Variants in CD163 observed in about 807,000 individuals in gnomAD.
CD163 encodes scavenger receptor cysteine-rich type 1 protein M130.
A neutral mutation model predicts 129.2 loss-of-function variants in CD163; 64 were observed. That is an observed-to-expected ratio of 0.50 (90% CI 0.41 to 0.61). The LOEUF (loss-of-function observed/expected upper bound fraction) is 0.61. Among genes scored for constraint, CD163 ranks in the 20% least tolerant of loss-of-function variants. The pLI, the probability that CD163 is intolerant of heterozygous loss-of-function variation, is 0.00. For synonymous variants in CD163, 446 were observed against 478.5 expected (o/e 0.93, Z 0.89); for missense variants, 1,061 against 1,377.9 (o/e 0.77, Z 3.64).
chr12:7,499,802 G>T (rs772250452), intron 3 of CD163, among the ~76,000 whole-genome samples: 1 of 152,282 alleles, frequency 6.6e-6, no homozygotes, highest in South Asian at 2.1e-4. Context: ...GGAAGAGGAA[G>T]AGGAAGCGGA....
intron 6 of CD163, among the ~76,000 whole-genome samples, chr12:7,492,601 T>C (rs1012759863): frequency 1.3e-5 from 2 of 152,094 alleles, no homozygotes; most frequent in Non-Finnish European, 2.9e-5. Flanking sequence ...AAAATCAGAA[T>C]ATTTGCATGA....
intron 5 of CD163, 120 bp from the exon 6 acceptor site, chr12:7,495,521 CCTGA>C: frequency 1.2e-6 from 1 of 838,656 alleles, no homozygotes; most frequent in Non-Finnish European, 1.8e-6. Context: ...TAACTTATTT[CCTGA>C]CTTTTTAAGA....
chr12:7,495,111 G>A lies in CD163; in HGVS notation c.1390C>T (p.His464Tyr). The A allele has an allele frequency of 6.2e-7, 1 of 1,614,050 alleles. No homozygotes were observed. The highest frequency in any genetic ancestry group is 1.6e-4 in the Middle Eastern group (1 of 6,062). The change falls in exon 6 of 17, where the codon CAC becomes TAC. Residue 464 changes from histidine (H) to tyrosine (Y), a missense_variant. His to Tyr is a moderately conservative substitution (Grantham distance 83). Coordinates refer to ENST00000432237, the MANE Select transcript of CD163 (RefSeq NM_203416.4). ...NWQWGGLTCD[H>Y]YEEAKITCSA... The stretch of plus-strand genomic sequence containing the variant: ...CAGGTAATTTTGGCTTCTTCATAGT[G>A]ATCACAGGTAAGTCCACCCCATTGC...
intron 4 of CD163, among the ~76,000 whole-genome samples, chr12:7,498,124 T>TACACACAC (rs571405606): frequency 1.0e-4 from 15 of 148,842 alleles, no homozygotes; most frequent in African/African-American, 2.2e-4. Flanking sequence ...TTCCTTTATT[T>TACACACAC]ACACACACAC....
chr12:7,501,901 T>C (rs1373328504), intron 2 of CD163, among the ~76,000 whole-genome samples: 1 of 152,236 alleles, frequency 6.6e-6, no homozygotes, highest in Non-Finnish European at 1.5e-5. Flanking sequence ...TTAACTCTTA[T>C]TTCATACGTA....
intron 16 of CD163, 105 bp from the exon 17 acceptor site, chr12:7,471,502 CT>C (rs1949002752): frequency 6.6e-6 from 1 of 151,608 alleles, no homozygotes. Context: ...AATTATACTA[CT>C]TTCCTGAGCA....
chr12:7,501,375 G>T lies in CD163; in HGVS notation c.221C>A (p.Thr74Lys). The T allele has an allele frequency of 6.2e-7, 1 of 1,613,898 alleles. No individual in the cohort carries two copies. The highest frequency in any genetic ancestry group is 8.5e-7 in the Non-Finnish European group (1 of 1,179,922). Residue 74 changes from threonine to lysine, a missense_variant, in exon 3 of 17, where the codon ACG becomes AAG. Transcript: ENST00000432237. ...VEVKVQEEWGTVCNNGWSMEA... is the reference protein window; with the variant it reads ...VEVKVQEEWGKVCNNGWSMEA... ...CATGCTCCAGCCATTATTACACACC[G>T]TTCCCCACTCCTCCTGGACTTTCAC... is the stretch of plus-strand genomic sequence containing the variant.
At chr12:7,498,124 T>TACAC (rs571405606) in intron 4 of CD163, among the ~76,000 whole-genome samples, 1,513 of 148,838 alleles carry the variant, frequency 0.01, 15 homozygotes, top group African/African-American at 0.022. Flanking sequence ...TTCCTTTATT[T>TACAC]ACACACACAC....
chr12:7,493,305 G>A (rs1949349981), intron 6 of CD163, among the ~76,000 whole-genome samples: 1 of 152,170 alleles, frequency 6.6e-6, no homozygotes, highest in Admixed American at 6.5e-5. Context: ...GGCCCATGAA[G>A]GACAGCGGAC....
In CD163 at chr12:7,485,466, G is replaced by A; in HGVS notation, c.2459-50C>T. 1 of 1,454,434 alleles carries A rather than the reference G, an allele frequency of 6.9e-7. No homozygotes were observed. The highest frequency in any genetic ancestry group is 9.5e-7 in the Non-Finnish European group (1 of 1,048,544). 90.1% of individuals were successfully genotyped at this position (1,454,434 alleles called of 1,614,324 possible). ...GTTTTGCATCTTTTCTGAAGATTCA[G>A]AGACTCCTTCCCTTTACCTTGATGT... is the stretch of plus-strand genomic sequence containing the variant. On this transcript the variant is annotated intron_variant, in intron 10 of 16. Coordinates refer to ENST00000432237, the MANE Select transcript of CD163 (RefSeq NM_203416.4). This position sits in a 1 kb window ranked among gnomAD's most constrained non-coding sequence, Gnocchi z 4.5.
In CD163 at chr12:7,495,225, C is replaced by T. The variant is rs756515820; in HGVS notation, c.1276G>A (p.Val426Met). 4.3e-6 allele frequency: 7 copies of T among 1,614,116 alleles called. No homozygotes were observed. The Admixed American group carries it at 5.0e-5, about 12-fold the overall frequency. The change falls in exon 6 of 17, where the codon GTG becomes ATG. Residue 426 changes from valine (V) to methionine (M), a missense_variant. Physicochemically the swap from Val to Met is conservative, Grantham distance 21 (BLOSUM62 1). Transcript: ENST00000432237. ...TTTGTTGCCTGGATTTTGGAGTACA[C>T]TTGATAAGATGTTTTGAGTGCAGAT... The part of the protein sequence containing the change: ...CGSALKTSYQ[V>M]YSKIQATNTW...
rs1417650439 is a variant in CD163 at position 7,485,074 on chromosome 12, A to G, written c.2779+22T>C. The G allele has an allele frequency of 6.4e-7, 1 of 1,557,314 alleles. No individual in the cohort carries two copies. Among genetic ancestry groups the G allele is most frequent in the East Asian group, 2.3e-5 (1 of 44,256 alleles). On this transcript the variant is annotated intron_variant, in intron 11 of 16. Transcript: ENST00000432237. The surrounding 1 kb of genome is among the most constrained non-coding windows in gnomAD (Gnocchi z 4.5). ...AGCGGGGCTGCAGAATGGAATTTTC[A>G]TATAGGTCGATGGATACTCACTGTC...
intron 10 of CD163, 21 bp downstream of exon 10, chr12:7,486,478 A>G (rs748412209): frequency 1.9e-6 from 3 of 1,593,970 alleles, no homozygotes; most frequent in Non-Finnish European, 2.6e-6. Flanking sequence ...ATTATGACCA[A>G]AGGTCATATG....
At position 7,495,225 on chromosome 12, in the gene CD163, C is replaced by G; in HGVS notation, c.1276G>C (p.Val426Leu). The G allele has an allele frequency of 6.2e-7, 1 of 1,614,116 alleles. No individual in the cohort carries two copies. Among genetic ancestry groups the G allele is most frequent in the African/African-American group, 1.3e-5 (1 of 75,022 alleles). Residue 426 changes from valine (V) to leucine (L), a missense_variant, in exon 6 of 17, where the codon GTG becomes CTG. By Grantham distance (32) the Val-to-Leu change is conservative. Coordinates refer to ENST00000432237, the MANE Select transcript of CD163 (RefSeq NM_203416.4). ...TTTGTTGCCTGGATTTTGGAGTACA[C>G]TTGATAAGATGTTTTGAGTGCAGAT... ...CGSALKTSYQVYSKIQATNTW... is the reference protein window; with the variant it reads ...CGSALKTSYQLYSKIQATNTW...
chr12:7,502,851 AAAC>A (rs1308118589), intron 1 of CD163: 1 of 548,712 alleles, frequency 1.8e-6, no homozygotes, highest in Non-Finnish European at 3.2e-6. Flanking sequence ...TGGAAAATGG[AAAC>A]AACATCAATG....
chr12:7,486,622 CT>C lies in CD163; in HGVS notation c.2334del (p.Ile781SerfsTer6). On this transcript the variant is annotated frameshift_variant, in exon 10 of 17. Transcript: ENST00000432237. LOFTEE classifies it high-confidence loss of function. ...ATGSAHFGEG[T>X]GPIWLDEMKC... The stretch of plus-strand genomic sequence containing the variant: ...TTCATCTCATCCAGCCAGATGGGCC[CT>C]GTTCCTTCCCCAAAATGAGCAGAAC... 6.2e-7 allele frequency: 1 copy of C among 1,614,176 alleles called. No homozygotes were observed.
In CD163 at chr12:7,485,513, TACAATAGTA is replaced by T; in HGVS notation, c.2459-106_2459-98del. 1 of 765,160 alleles carries T rather than the reference TACAATAGTA, an allele frequency of 1.3e-6. No individual in the cohort carries two copies. The highest frequency in any genetic ancestry group is 1.9e-5 in the South Asian group (1 of 53,690). The allele number at this position is 765,160 out of a possible 1,614,324, so 47.4% of individuals were successfully genotyped here. A position where few individuals can be genotyped will look rare whatever the true frequency, so the allele number is the denominator to read the frequency against. On this transcript the variant is annotated intron_variant, in intron 10 of 16. Transcript: ENST00000432237. This position sits in a 1 kb window ranked among gnomAD's most constrained non-coding sequence, Gnocchi z 4.5. ...ATGTAAGAATGGCTTTAAAAATAGG[TACAATAGTA>T]CAATATGTCAGTTACTAATAATTCG...
intron 2 of CD163, 96 bp from the exon 3 acceptor site, chr12:7,501,558 T>G: frequency 1.1e-6 from 1 of 882,074 alleles, no homozygotes; most frequent in South Asian, 1.6e-5. Flanking sequence ...CAAACTCAGA[T>G]TTGAGAACCA....
intron 1 of CD163, 110 bp from the exon 2 acceptor site, chr12:7,502,674 A>G: frequency 1.5e-6 from 1 of 689,522 alleles, no homozygotes; most frequent in Non-Finnish European, 2.6e-6. Context: ...AAGACAGAAA[A>G]CTCTTCATTC....
Sources: gnomAD v4.1 joint callset for allele counts (sites outside exome capture counted in the v4.1 genomes callset) on GRCh38, gnomAD v4.1.1 for gene constraint, Gnocchi (gnomAD v3.1) non-coding constraint, MANE v1.5 for transcripts, NCBI Gene and HGNC (gene_info 2026-07-23, HGNC 2026-07-21) for gene names.